The following EDIL3 variants were observed in gnomAD, a reference collection of about 807,000 sequenced individuals.
The protein encoded by EDIL3 is EGF like and discoidin domains 3.
Under a neutral mutation model 67.4 loss-of-function variants are expected in EDIL3, and 37 were observed. The observed-to-expected ratio is 0.55, with a 90% CI of 0.42 to 0.72. The LOEUF is 0.72. Ranked by LOEUF, EDIL3 falls within the 30% of genes least tolerant of loss-of-function variation. The pLI, the probability that EDIL3 is intolerant of heterozygous loss-of-function variation, is 0.00. For missense variants in EDIL3, 527 were observed against 586.3 expected (o/e 0.90, Z 1.04); for synonymous variants, 195 against 196.3 (o/e 0.99, Z 0.05).
chr5:84,152,725 G>C (rs1748419487), intron 4 of EDIL3, among the ~76,000 whole-genome samples: 1 of 152,106 alleles, frequency 6.6e-6, no homozygotes. Context: ...GAGAATAAAG[G>C]AGGGCTTATG....
intron 1 of EDIL3, among the ~76,000 whole-genome samples, chr5:84,263,472 G>A (rs1745276717): frequency 6.6e-6 from 1 of 152,184 alleles, no homozygotes; most frequent in African/African-American, 2.4e-5. Flanking sequence ...TCAGGAGTTA[G>A]ATGAAAGCAT....
chr5:84,365,891 A>G (rs1410281428), intron 1 of EDIL3, among the ~76,000 whole-genome samples: 2 of 152,158 alleles, frequency 1.3e-5, no homozygotes, highest in Non-Finnish European at 2.9e-5. Flanking sequence ...TTTAATCTCT[A>G]CAACAGCTCT....
intron 5 of EDIL3, among the ~76,000 whole-genome samples, chr5:84,116,226 A>T (rs2112293449): frequency 6.6e-6 from 1 of 151,684 alleles, no homozygotes; most frequent in East Asian, 1.9e-4. Flanking sequence ...GAGATGAAAC[A>T]GGAGGCCATT....
intron 1 of EDIL3, among the ~76,000 whole-genome samples, chr5:84,364,752 A>G (rs1747691467): frequency 6.6e-6 from 1 of 152,008 alleles, no homozygotes; most frequent in Non-Finnish European, 1.5e-5. Flanking sequence ...TTCATATGGA[A>G]TCCTGCAACA....
At chr5:84,085,405 GT>G (rs1399991430) in intron 6 of EDIL3, among the ~76,000 whole-genome samples, 1 of 152,090 alleles carries the variant, frequency 6.6e-6, no homozygotes, top group Non-Finnish European at 1.5e-5. Flanking sequence ...GTTGTTTTCT[GT>G]TTGTTAGTTT....
intron 1 of EDIL3, among the ~76,000 whole-genome samples, chr5:84,382,338 G>A (rs994143763): frequency 3.9e-5 from 6 of 152,188 alleles, no homozygotes; most frequent in African/African-American, 1.2e-4. Flanking sequence ...GTATCTTCAG[G>A]AGACAGAGCT....
At chr5:84,290,497 G>GA (rs1745892823) in intron 1 of EDIL3, among the ~76,000 whole-genome samples, 1 of 152,110 alleles carries the variant, frequency 6.6e-6, no homozygotes, top group Non-Finnish European at 1.5e-5. Flanking sequence ...CTCAAAATTA[G>GA]CCACTTTGGC....
intron 4 of EDIL3, among the ~76,000 whole-genome samples, chr5:84,154,431 C>G (rs1014463048): frequency 6.6e-6 from 1 of 152,034 alleles, no homozygotes. Context: ...AAAAAAGTCA[C>G]TGCACTTCAC....
chr5:84,216,658 G>T (rs1021992278), intron 3 of EDIL3, among the ~76,000 whole-genome samples: 1 of 152,092 alleles, frequency 6.6e-6, no homozygotes, highest in African/African-American at 2.4e-5. Flanking sequence ...TTTGTTAATT[G>T]TGAAAATTAA....
intron 1 of EDIL3, among the ~76,000 whole-genome samples, chr5:84,352,834 A>G (rs1166291762): frequency 6.6e-6 from 1 of 152,186 alleles, no homozygotes; most frequent in Non-Finnish European, 1.5e-5. Flanking sequence ...ATGTGATACA[A>G]TGGCCCAAAA....
chr5:84,367,345 C>T (rs771518690), intron 1 of EDIL3, among the ~76,000 whole-genome samples: 27 of 152,036 alleles, frequency 1.8e-4, no homozygotes, highest in Non-Finnish European at 3.1e-4. Flanking sequence ...GTGATCACAG[C>T]TCATTGCAGC....
chr5:84,283,057 C>A (rs116679066), intron 1 of EDIL3, among the ~76,000 whole-genome samples: 2 of 150,856 alleles, frequency 1.3e-5, no homozygotes, highest in Non-Finnish European at 2.9e-5. Context: ...TTTTAACCAA[C>A]GTTACTGTGA....
chr5:84,308,875 A>C (rs144524653), intron 1 of EDIL3, among the ~76,000 whole-genome samples: 7 of 152,320 alleles, frequency 4.6e-5, no homozygotes, highest in African/African-American at 1.7e-4. Context: ...AGGAGATTTA[A>C]TGCAACCTTA....
At chr5:84,301,612 G>A (rs1407622731) in intron 1 of EDIL3, among the ~76,000 whole-genome samples, 1 of 152,116 alleles carries the variant, frequency 6.6e-6, no homozygotes, top group African/African-American at 2.4e-5. Flanking sequence ...TCAAAAGCCT[G>A]TCATACTTTT....
intron 1 of EDIL3, among the ~76,000 whole-genome samples, chr5:84,358,320 T>A (rs1203404114): frequency 6.6e-6 from 1 of 152,138 alleles, no homozygotes; most frequent in African/African-American, 2.4e-5. Context: ...TAAATCCAGG[T>A]CACCTGCACC....
intron 1 of EDIL3, among the ~76,000 whole-genome samples, chr5:84,333,855 T>C (rs938723357): frequency 2.0e-5 from 3 of 152,158 alleles, no homozygotes; most frequent in Admixed American, 6.5e-5. Flanking sequence ...CCTGACAGAA[T>C]AGAGAAAAAT....
chr5:84,098,795 C>T (rs1010508307), intron 6 of EDIL3, among the ~76,000 whole-genome samples: 2 of 152,114 alleles, frequency 1.3e-5, no homozygotes, highest in African/African-American at 4.8e-5. Flanking sequence ...TAAATGCCCA[C>T]ATCAAAAAGT....
chr5:84,247,636 G>A (rs1744934451), intron 2 of EDIL3, among the ~76,000 whole-genome samples: 1 of 152,022 alleles, frequency 6.6e-6, no homozygotes, highest in South Asian at 2.1e-4. Flanking sequence ...AATAGAATCT[G>A]AATTTGTGGT....
At chr5:84,257,296 T>C (rs1249864201) in intron 1 of EDIL3, among the ~76,000 whole-genome samples, 1 of 152,224 alleles carries the variant, frequency 6.6e-6, no homozygotes, top group South Asian at 2.1e-4. Flanking sequence ...GTGGTCAAAA[T>C]GAGACAGGAC....
Sources: allele counts gnomAD v4.1 joint callset (sites outside exome capture counted in the v4.1 genomes callset), GRCh38; gene constraint gnomAD v4.1.1; transcripts MANE v1.5; gene names NCBI Gene and HGNC (gene_info 2026-07-23, HGNC 2026-07-21).